The following INO80 variants were observed in gnomAD, a reference collection of about 807,000 sequenced individuals.
INO80 encodes the protein chromatin-remodeling ATPase INO80.
INO80 carries 20 observed loss-of-function variants against 203.4 expected under a neutral mutation model. The observed-to-expected ratio is 0.10, with a 90% CI of 0.07 to 0.14. INO80 has a LOEUF of 0.14. Ranked by LOEUF, INO80 falls within the 10% of genes least tolerant of loss-of-function variation. The probability of loss-of-function intolerance (pLI) is 1.00; values close to 1 mark genes in which losing one functional copy is unlikely to be tolerated. For missense variants in INO80, 1,419 were observed against 1,914.4 expected (o/e 0.74, Z 4.83); for synonymous variants, 726 against 685.2 (o/e 1.06, Z -0.93).
chr15:41,066,467 T>C (rs567089893), intron 14 of INO80, among the ~76,000 whole-genome samples: 1 of 151,830 alleles, frequency 6.6e-6, no homozygotes, highest in African/African-American at 2.4e-5. Context: ...CATTTTTAAA[T>C]AGTTAAAATG....
intron 29 of INO80, among the ~76,000 whole-genome samples, chr15:40,995,703 G>C (rs1327939700): frequency 6.6e-6 from 1 of 152,192 alleles, no homozygotes; most frequent in African/African-American, 2.4e-5. Context: ...TACTCACATT[G>C]AGAGTATGAC....
At chr15:40,989,366 G>C (rs1287990222) in intron 29 of INO80, among the ~76,000 whole-genome samples, 1 of 152,194 alleles carries the variant, frequency 6.6e-6, no homozygotes, top group African/African-American at 2.4e-5. Flanking sequence ...CACTAAGTGA[G>C]TGATCCTAAA....
chr15:41,050,241 T>C (rs2044847085), intron 19 of INO80, 139 bp from the exon 20 acceptor site: 3 of 576,298 alleles, frequency 5.2e-6, no homozygotes, highest in Non-Finnish European at 9.1e-6. Flanking sequence ...TATAAACCTG[T>C]GAATGTGGAC....
chr15:41,098,656 C>CA (rs1206977719), intron 1 of INO80, among the ~76,000 whole-genome samples: 6 of 149,290 alleles, frequency 4.0e-5, no homozygotes, highest in African/African-American at 1.5e-4. Flanking sequence ...GCCTGGGTGA[C>CA]AAAAAAAAGA....
At chr15:41,068,341 G>A (rs554264467) in intron 14 of INO80, among the ~76,000 whole-genome samples, 2 of 152,236 alleles carry the variant, frequency 1.3e-5, no homozygotes, top group African/African-American at 4.8e-5. Context: ...GATCACCTGA[G>A]GTCGGGAGTT....
chr15:41,057,115 T>C (rs550125613), intron 16 of INO80, among the ~76,000 whole-genome samples: 1 of 152,244 alleles, frequency 6.6e-6, no homozygotes, highest in African/African-American at 2.4e-5. Flanking sequence ...TGAGGAGTGT[T>C]GGTGAGAAGA....
intron 1 of INO80, among the ~76,000 whole-genome samples, chr15:41,103,535 G>A (rs151300950): frequency 0.028 from 4,209 of 152,110 alleles, 187 homozygotes; most frequent in African/African-American, 0.096. Context: ...GATTAGAGGC[G>A]CCCGCCACCA....
At chr15:41,069,370 C>G in intron 14 of INO80, 200 bp downstream of exon 14, 1 of 402,830 alleles carries the variant, frequency 2.5e-6, no homozygotes, top group Non-Finnish European at 4.4e-6. Flanking sequence ...CGGGGTTTCA[C>G]CATGTTAGCC....
At chr15:41,084,715 CTTT>C (rs1217801694) in intron 7 of INO80, among the ~76,000 whole-genome samples, 1 of 152,232 alleles carries the variant, frequency 6.6e-6, no homozygotes, top group African/African-American at 2.4e-5. Flanking sequence ...ATATCAACTC[CTTT>C]TTATTTTATT....
In INO80 at chr15:41,111,806, G is replaced by GA. The variant is rs879587317; in HGVS notation, c.-44+4166dup. Among the ~76,000 whole-genome samples the GA allele has an allele frequency of 1.3e-3, 157 of 123,678 alleles. 1 individual carries two copies. The highest frequency in any genetic ancestry group is 1.7e-3 in the African/African-American group (59 of 33,972). 81.1% of individuals were successfully genotyped at this position (123,678 alleles called of 152,430 possible). A position where few individuals can be genotyped will look rare whatever the true frequency, so the allele number is the denominator to read the frequency against. On this transcript the variant is annotated intron_variant, in intron 1 of 35. Transcript: ENST00000648947. ...CTACAAGAGCAAAACTCTGTCTCAA[G>GA]AAAAAAAAAAACGTTTTTGCGGGGA...
intron 29 of INO80, among the ~76,000 whole-genome samples, chr15:40,995,932 C>CA (rs778641827): frequency 1.3e-5 from 2 of 152,160 alleles, no homozygotes; most frequent in Non-Finnish European, 2.9e-5. Context: ...CCTCCAGTGG[C>CA]CCTCAGGCGC....
At chr15:41,009,160 G>A (rs1030106689) in intron 27 of INO80, among the ~76,000 whole-genome samples, 2 of 151,996 alleles carry the variant, frequency 1.3e-5, no homozygotes, top group African/African-American at 2.4e-5. Context: ...CATTTGATTC[G>A]AAAGCATTAA....
intron 24 of INO80, among the ~76,000 whole-genome samples, chr15:41,036,210 T>C (rs1339684782): frequency 2.9e-5 from 4 of 137,858 alleles, no homozygotes; most frequent in Non-Finnish European, 6.1e-5. Flanking sequence ...ATAGCTAAGC[T>C]GCTCCCAAGT....
At chr15:41,092,452 A>G (rs1265237678) in intron 4 of INO80, among the ~76,000 whole-genome samples, 1 of 152,250 alleles carries the variant, frequency 6.6e-6, no homozygotes, top group Non-Finnish European at 1.5e-5. Flanking sequence ...AAGTATAAAT[A>G]ATACATAAAT....
chr15:40,993,688 G>C (rs936648799), intron 29 of INO80, among the ~76,000 whole-genome samples: 1 of 152,104 alleles, frequency 6.6e-6, no homozygotes, highest in Non-Finnish European at 1.5e-5. Context: ...GAACCTGAGA[G>C]GTGGAGGTTG....
At position 41,081,222 on chromosome 15, in the gene INO80, T is replaced by C. The variant is rs1293379652; in HGVS notation, c.874-149A>G. 5.1e-6 allele frequency: 3 copies of C among 585,826 alleles called. No homozygotes were observed. In the East Asian group the frequency reaches 8.6e-5, roughly 17 times the overall value. The allele number at this position is 585,826 out of a possible 1,614,324, so 36.3% of individuals were successfully genotyped here. A position where few individuals can be genotyped will look rare whatever the true frequency, so the allele number is the denominator to read the frequency against. On this transcript the variant is annotated intron_variant, in intron 7 of 35. Transcript: ENST00000648947. ...ACTTCTATAAGTCATCCAGATGTAT[T>C]GTCTCAACGCCATACATAAAACGAT...
chr15:40,979,826 T>C lies in INO80; in HGVS notation c.*397A>G, dbSNP rs150344174. ...ACACTCTTAAGAGAAATCTCTACCA[T>C]GGAAGGCTCTTCACAGCACCTGCGG... On this transcript the variant is annotated 3_prime_UTR_variant, in exon 36 of 36. Coordinates refer to ENST00000648947, the MANE Select transcript of INO80 (RefSeq NM_017553.3). 572 of 231,530 alleles carry C rather than the reference T, an allele frequency of 2.5e-3. No individual in the cohort carries two copies. The highest frequency in any genetic ancestry group is 3.5e-3 in the Admixed American group (68 of 19,536). 14.3% of individuals were successfully genotyped at this position (231,530 alleles called of 1,614,324 possible).
intron 9 of INO80, among the ~76,000 whole-genome samples, chr15:41,078,357 G>A (rs921091646): frequency 6.6e-6 from 1 of 152,142 alleles, no homozygotes; most frequent in African/African-American, 2.4e-5. Flanking sequence ...ACATAACTAA[G>A]AATCTAGGTC....
intron 1 of INO80, among the ~76,000 whole-genome samples, chr15:41,111,184 G>A (rs1383901262): frequency 6.6e-6 from 1 of 152,174 alleles, no homozygotes; most frequent in Non-Finnish European, 1.5e-5. Context: ...GGTGGTTCAC[G>A]CCTATAATCC....
Sources: gnomAD v4.1 joint callset for allele counts (sites outside exome capture counted in the v4.1 genomes callset) on GRCh38, gnomAD v4.1.1 for gene constraint, MANE v1.5 for transcripts, NCBI Gene and HGNC (gene_info 2026-07-23, HGNC 2026-07-21) for gene names.